Variants in C1QTNF3 observed in about 807,000 individuals in gnomAD.
C1QTNF3 encodes the protein C1q and TNF related 3.
A neutral mutation model predicts 32.6 loss-of-function variants in C1QTNF3; 26 were observed. The ratio of observed to expected loss-of-function variants is 0.80; its 90% confidence interval spans 0.58 to 1.11. C1QTNF3 has a LOEUF of 1.11. C1QTNF3 is among the 50% of genes least tolerant of loss of function. C1QTNF3 has a pLI of 0.00. For missense variants in C1QTNF3, 362 were observed against 398.2 expected, an observed-to-expected ratio of 0.91 and a Z score of 0.77; for synonymous variants, 155 against 146.0, an observed-to-expected ratio of 1.06 and a Z score of -0.44.
the C1QTNF3 span, among the ~76,000 whole-genome samples, chr5:34,155,874 A>G: frequency 6.6e-6 from 1 of 152,146 alleles, no homozygotes; most frequent in African/African-American, 2.4e-5. Flanking sequence ...GGGATGAGCA[A>G]ACCTGTGTAC....
the C1QTNF3 span, among the ~76,000 whole-genome samples, chr5:34,138,388 A>G: frequency 6.6e-6 from 1 of 152,236 alleles, no homozygotes; most frequent in Non-Finnish European, 1.5e-5. Flanking sequence ...TCCATAAATT[A>G]CAGAAAAATA....
the C1QTNF3 span, among the ~76,000 whole-genome samples, chr5:34,227,986 T>A: frequency 4.0e-5 from 6 of 151,816 alleles, no homozygotes; most frequent in African/African-American, 1.4e-4. Context: ...TCCTTTTTTT[T>A]TTTTTTTCAG....
intron 1 of C1QTNF3, among the ~76,000 whole-genome samples, chr5:34,036,973 T>C (rs1754758486): frequency 6.6e-6 from 1 of 152,010 alleles, no homozygotes; most frequent in African/African-American, 2.4e-5. Context: ...AATTGTGAAA[T>C]GATTATCTCA....
the C1QTNF3 span, among the ~76,000 whole-genome samples, chr5:34,143,846 G>A: frequency 7.3e-4 from 111 of 152,170 alleles, no homozygotes; most frequent in African/African-American, 2.3e-3. Context: ...CACATAGCCC[G>A]CAGACACTGT....
At chr5:34,043,729 C>T (rs1415840457), upstream of C1QTNF3, 1 of 152,570 alleles carries the variant, frequency 6.6e-6, no homozygotes, top group East Asian at 1.9e-4. Flanking sequence ...TGGTTGCCTA[C>T]AAAACACTGA....
chr5:34,099,394 T>C, the C1QTNF3 span, among the ~76,000 whole-genome samples: 1 of 152,190 alleles, frequency 6.6e-6, no homozygotes, highest in African/African-American at 2.4e-5. Context: ...AAAGAGAAAA[T>C]ATAGCTACAT....
chr5:34,154,399 T>C, the C1QTNF3 span, among the ~76,000 whole-genome samples: 1 of 152,184 alleles, frequency 6.6e-6, no homozygotes, highest in South Asian at 2.1e-4. Context: ...TAATACCCAT[T>C]TATTTCTTGC....
chr5:34,174,809 GGCTCACT>G, the C1QTNF3 span, among the ~76,000 whole-genome samples: 1 of 151,844 alleles, frequency 6.6e-6, no homozygotes, highest in Non-Finnish European at 1.5e-5. Flanking sequence ...GCACAATCTC[GGCTCACT>G]GCAAGCTCCA....
the C1QTNF3 span, among the ~76,000 whole-genome samples, chr5:34,147,785 G>A: frequency 1.3e-5 from 2 of 152,290 alleles, no homozygotes; most frequent in African/African-American, 4.8e-5. Context: ...TCGTGTAACA[G>A]ACTTGTATAT....
the C1QTNF3 span, among the ~76,000 whole-genome samples, chr5:34,234,063 T>C: frequency 6.6e-6 from 1 of 152,148 alleles, no homozygotes; most frequent in Non-Finnish European, 1.5e-5. Flanking sequence ...CAAACACCTA[T>C]CATAGTATCA....
At chr5:34,162,648 A>G in the C1QTNF3 span, among the ~76,000 whole-genome samples, 1 of 152,176 alleles carries the variant, frequency 6.6e-6, no homozygotes, top group African/African-American at 2.4e-5. Context: ...AAGAGGGGCT[A>G]AAATATTACA....
chr5:34,107,238 T>C, the C1QTNF3 span, among the ~76,000 whole-genome samples: 1 of 133,254 alleles, frequency 7.5e-6, no homozygotes, highest in Admixed American at 7.7e-5. Flanking sequence ...ATAATGTTTT[T>C]CATTAAGACA....
chr5:34,165,410 C>T, the C1QTNF3 span: 3 of 151,948 alleles, frequency 2.0e-5, no homozygotes, highest in East Asian at 1.9e-4. Flanking sequence ...TATATGTATA[C>T]GTGTAGGTTC....
the C1QTNF3 span, among the ~76,000 whole-genome samples, chr5:34,189,012 T>C: frequency 1.3e-4 from 20 of 148,680 alleles, no homozygotes; most frequent in South Asian, 4.5e-3. Flanking sequence ...TGAGGTCTGA[T>C]GGTTTTATAA....
At chr5:34,036,715 G>C (rs1754749573) in intron 1 of C1QTNF3, among the ~76,000 whole-genome samples, 1 of 152,154 alleles carries the variant, frequency 6.6e-6, no homozygotes, top group Admixed American at 6.5e-5. Flanking sequence ...ACTTTTGGAG[G>C]CCGAGGCAGG....
chr5:34,031,534 A>AT, intron 3 of C1QTNF3, among the ~76,000 whole-genome samples: 1 of 152,174 alleles, frequency 6.6e-6, no homozygotes, highest in African/African-American at 2.4e-5. Context: ...GGTTGCTGAA[A>AT]TTATTAAACA....
At chr5:34,119,589 A>C in the C1QTNF3 span, among the ~76,000 whole-genome samples, 1 of 152,146 alleles carries the variant, frequency 6.6e-6, no homozygotes, top group African/African-American at 2.4e-5. Context: ...AAGGTCCAAA[A>C]TATGTCTCAC....
chr5:34,117,160 A>G, the C1QTNF3 span, among the ~76,000 whole-genome samples: 1 of 151,826 alleles, frequency 6.6e-6, no homozygotes, highest in Non-Finnish European at 1.5e-5. Flanking sequence ...ATCTCTTTCT[A>G]TATCCTTCAT....
the C1QTNF3 span, among the ~76,000 whole-genome samples, chr5:34,140,897 G>A: frequency 9.9e-5 from 15 of 152,106 alleles, no homozygotes; most frequent in Non-Finnish European, 1.9e-4. Flanking sequence ...TGTTGCTTGG[G>A]TCATAATTAC....
Sources: allele counts gnomAD v4.1 joint callset (sites outside exome capture counted in the v4.1 genomes callset), GRCh38; gene constraint gnomAD v4.1.1; transcripts MANE v1.5; gene names NCBI Gene and HGNC (gene_info 2026-07-23, HGNC 2026-07-21).